Variants in CDK14 observed in about 807,000 individuals in gnomAD.
CDK14 encodes cyclin dependent kinase 14.
Under a neutral mutation model 60.7 loss-of-function variants are expected in CDK14, and 34 were observed. The observed-to-expected ratio is 0.56, with a 90% confidence interval of 0.43 to 0.75. The LOEUF (loss-of-function observed/expected upper bound fraction) is 0.75, where lower values mean the gene tolerates loss of function less well. CDK14 is among the 30% of genes least tolerant of loss of function. CDK14 has a pLI of 0.00. For missense variants in CDK14, 482 were observed against 564.1 expected (o/e 0.85, Z 1.47); for synonymous variants, 197 against 203.7 (o/e 0.97, Z 0.28).
At chr7:90,762,771 A>G (rs902423262) in intron 4 of CDK14, among the ~76,000 whole-genome samples, 45 of 152,132 alleles carry the variant, frequency 3.0e-4, no homozygotes, top group African/African-American at 1.1e-3. Flanking sequence ...AGATTACTTG[A>G]GATCAGGAGT....
At chr7:91,165,525 G>A (rs1469379487) in intron 14 of CDK14, among the ~76,000 whole-genome samples, 2 of 152,140 alleles carry the variant, frequency 1.3e-5, no homozygotes, top group Admixed American at 6.5e-5. Flanking sequence ...TTCAACTCCA[G>A]TGTTCTGTAC....
intron 12 of CDK14, among the ~76,000 whole-genome samples, chr7:91,090,791 G>A (rs949966258): frequency 1.7e-4 from 26 of 151,970 alleles, no homozygotes; most frequent in African/African-American, 2.4e-5. Flanking sequence ...CTCTCTCTTG[G>A]GTATCCAGAA....
At chr7:90,636,083 G>A (rs1465975919) in intron 2 of CDK14, among the ~76,000 whole-genome samples, 1 of 149,672 alleles carries the variant, frequency 6.7e-6, no homozygotes, top group Non-Finnish European at 1.5e-5. Flanking sequence ...TCTGCAAACA[G>A]GGACAATTTG....
intron 9 of CDK14, among the ~76,000 whole-genome samples, chr7:90,964,683 T>G (rs1794703356): frequency 6.6e-6 from 1 of 152,224 alleles, no homozygotes; most frequent in Admixed American, 6.5e-5. Context: ...CTTAAATTGC[T>G]TATATTGCTA....
chr7:91,098,877 A>G (rs1458069243), intron 12 of CDK14, among the ~76,000 whole-genome samples: 1 of 152,188 alleles, frequency 6.6e-6, no homozygotes, highest in Non-Finnish European at 1.5e-5. Flanking sequence ...TGTAAAAAGC[A>G]TTAAGTGAAA....
chr7:90,775,295 A>G (rs1018086281), intron 4 of CDK14, among the ~76,000 whole-genome samples: 1 of 152,190 alleles, frequency 6.6e-6, no homozygotes, highest in Non-Finnish European at 1.5e-5. Flanking sequence ...AAGATTAGGA[A>G]TGAATGGGTT....
chr7:90,801,722 A>G (rs146086974), intron 5 of CDK14, among the ~76,000 whole-genome samples: 2 of 152,118 alleles, frequency 1.3e-5, no homozygotes, highest in African/African-American at 4.8e-5. Flanking sequence ...TTATCCAGAT[A>G]CATCTTTTTT....
At chr7:90,927,049 C>T (rs761847181) in intron 8 of CDK14, among the ~76,000 whole-genome samples, 2 of 152,214 alleles carry the variant, frequency 1.3e-5, no homozygotes, top group Non-Finnish European at 2.9e-5. Context: ...GGGGCACCAC[C>T]TTCCCAGCAC....
chr7:91,038,707 G>A (rs1280149940), intron 10 of CDK14, among the ~76,000 whole-genome samples: 4 of 152,156 alleles, frequency 2.6e-5, no homozygotes, highest in African/African-American at 4.8e-5. Flanking sequence ...CAATTCCCAC[G>A]TGTCATGGGA....
intron 4 of CDK14, among the ~76,000 whole-genome samples, chr7:90,765,762 G>A (rs1209694727): frequency 1.3e-5 from 2 of 152,012 alleles, no homozygotes; most frequent in Admixed American, 6.6e-5. Context: ...AGAAGAAAGG[G>A]GAGAAGTGTT....
chr7:90,678,260 AGAG>A (rs1222616905), intron 2 of CDK14, among the ~76,000 whole-genome samples: 6 of 152,182 alleles, frequency 3.9e-5, no homozygotes, highest in Non-Finnish European at 8.8e-5. Context: ...AGGGAACAGC[AGAG>A]GAGGAGAGAG....
chr7:90,835,664 T>G (rs1221362325), intron 5 of CDK14, among the ~76,000 whole-genome samples: 2 of 152,150 alleles, frequency 1.3e-5, no homozygotes, highest in African/African-American at 4.8e-5. Context: ...CTCACTTCCT[T>G]CCAAGTCACA....
intron 2 of CDK14, among the ~76,000 whole-genome samples, chr7:90,624,004 G>A (rs1041588355): frequency 6.6e-6 from 1 of 152,158 alleles, no homozygotes; most frequent in Non-Finnish European, 1.5e-5. Context: ...TACATATTTT[G>A]TAGGGCTTCA....
At chr7:91,149,757 T>C (rs59419741) in intron 14 of CDK14, among the ~76,000 whole-genome samples, 1,558 of 152,340 alleles carry the variant, frequency 0.01, 30 homozygotes, top group African/African-American at 0.034. Context: ...AATTTCACTG[T>C]ACAGAATTAA....
At chr7:90,882,163 T>C (rs11983458) in intron 6 of CDK14, among the ~76,000 whole-genome samples, 127 of 149,354 alleles carry the variant, frequency 8.5e-4, no homozygotes, top group African/African-American at 3.0e-3. Flanking sequence ...GGAATCAAGA[T>C]CCATCAGTGT....
intron 9 of CDK14, among the ~76,000 whole-genome samples, chr7:90,963,859 G>A (rs1794678408): frequency 6.6e-6 from 1 of 151,662 alleles, no homozygotes; most frequent in South Asian, 2.1e-4. Context: ...GGGATTACAG[G>A]CGCCCACTAC....
rs534002399 is a variant in CDK14, at chr7:91,026,696, G to A, written c.1042-19201G>A. Among the ~76,000 whole-genome samples, 10 of 152,232 alleles carry A rather than the reference G, an allele frequency of 6.6e-5. No individual in the cohort carries two copies. The South Asian group carries it at 1.9e-3, about 28-fold the overall frequency. ...AGCTGCGTGACCTTCGGCAAGTTAT[G>A]CAATCTGTTTCACACACCATTTATA... On this transcript the variant is annotated intron_variant, in intron 10 of 14. Coordinates refer to ENST00000380050, the MANE Select transcript of CDK14 (RefSeq NM_001287135.2).
chr7:90,955,522 G>A lies in CDK14; in HGVS notation c.827-175G>A, dbSNP rs180739788. 7.2e-5 allele frequency among the ~76,000 whole-genome samples: 11 copies of A among 152,248 alleles called. No individual in the cohort carries two copies. The South Asian group carries it at 1.0e-3, about 14-fold the overall frequency. On this transcript the variant is annotated intron_variant, in intron 8 of 14. Transcript: ENST00000380050. ...AATGTTTTAATGGTTATTAGCATGT[G>A]TTAAAAACAGAAACCACAATATGCT...
intron 10 of CDK14, among the ~76,000 whole-genome samples, chr7:90,992,489 A>G (rs542160107): frequency 3.3e-5 from 5 of 152,340 alleles, no homozygotes; most frequent in South Asian, 2.1e-4. Context: ...TCCTGCTCTC[A>G]TAGAACTGAT....
Sources: gnomAD v4.1 joint callset for allele counts (sites outside exome capture counted in the v4.1 genomes callset) on GRCh38, gnomAD v4.1.1 for gene constraint, MANE v1.5 for transcripts, NCBI Gene and HGNC (gene_info 2026-07-23, HGNC 2026-07-21) for gene names.